NOTCH3: variants seen among roughly 807,000 people sequenced by gnomAD.
The protein encoded by NOTCH3 is notch receptor 3.
In NOTCH3, 86 loss-of-function variants were observed where a neutral mutation model predicts 213.3. The observed-to-expected ratio is 0.40, with a 90% confidence interval of 0.34 to 0.48. The LOEUF (loss-of-function observed/expected upper bound fraction) is 0.48. Among genes scored for constraint, NOTCH3 ranks in the 20% least tolerant of loss-of-function variants. The pLI, the probability that NOTCH3 is intolerant of heterozygous loss-of-function variation, is 0.57. For synonymous variants in NOTCH3, 1,354 were observed against 1,355.9 expected (o/e 1.00, Z 0.03); for missense variants, 2,783 against 3,272.6 (o/e 0.85, Z 3.65).
chr19:15,173,587 C>T (rs2046758195), intron 25 of NOTCH3, among the ~76,000 whole-genome samples: 1 of 150,524 alleles, frequency 6.6e-6, no homozygotes, highest in Admixed American at 6.6e-5. Flanking sequence ...AAAATTAGCC[C>T]GGTGTGGTGG....
intron 8 of NOTCH3, 96 bp from the exon 9 acceptor site, chr19:15,188,444 AT>A: frequency 1.2e-6 from 1 of 814,132 alleles, no homozygotes; most frequent in South Asian, 1.4e-5. Context: ...TCATCGACAA[AT>A]CCCCCGAGCC....
Position 15,178,084 on chromosome 19 carries a change from A to C in NOTCH3, c.3844T>G (p.Trp1282Gly). ...GCCACCCGCTCGCAACGCGGACCCC[A>C]GAACGGCTGGGGGTCGGGTTTGGGG... ...TFTCHCAQPF[W>G]GPRCERVARS... Residue 1282 changes from tryptophan (W) to glycine (G), a missense_variant, in exon 24 of 33, where the codon TGG (tryptophan) becomes GGG (glycine). Trp to Gly is a radical substitution (Grantham distance 184, BLOSUM62 -2). Around this residue, in one of 6 missense-constraint regions of NOTCH3, gnomAD observed 861 missense variants for 909.1 expected, o/e 0.95. Coordinates refer to ENST00000263388, the MANE Select transcript of NOTCH3 (RefSeq NM_000435.3). 1 of 1,482,630 alleles carries C rather than the reference A, an allele frequency of 6.7e-7. No homozygotes were observed. Among genetic ancestry groups the C allele is most frequent in the Non-Finnish European group, 9.0e-7 (1 of 1,114,468 alleles). 91.8% of individuals were successfully genotyped at this position (1,482,630 alleles called of 1,614,324 possible). A position where few individuals can be genotyped will look rare whatever the true frequency, so the allele number is the denominator to read the frequency against.
intron 8 of NOTCH3, among the ~76,000 whole-genome samples, chr19:15,188,737 C>A (rs550788800): frequency 6.6e-6 from 1 of 152,230 alleles, no homozygotes; most frequent in East Asian, 1.9e-4. Context: ...CTATCCCCAA[C>A]CCCTTCCCGA....
rs375682932 is a variant in NOTCH3 at position 15,192,047 on chromosome 19, C to T, written c.592G>A (p.Ala198Thr). ...CATGGTGAGGGTGCACAGGGCACCGCGGGGTTCTCACATAGTGGCCCTGTG... is the reference window on the plus strand; with the variant it reads ...CATGGTGAGGGTGCACAGGGCACCGTGGGGTTCTCACATAGTGGCCCTGTG... ...GYTGPLCENP[A>T]VPCAPSPCRN... is the part of the protein sequence containing the mutation. The change falls in exon 4 of 33, where the codon GCG (alanine) becomes ACG (threonine). Residue 198 changes from alanine (A) to threonine (T), a missense_variant. Physicochemically the swap from Ala to Thr is moderately conservative, Grantham distance 58. Coordinates refer to ENST00000263388, the MANE Select transcript of NOTCH3 (RefSeq NM_000435.3). 35 of 1,612,950 alleles carry T rather than the reference C, an allele frequency of 2.2e-5. No individual in the cohort carries two copies. The highest frequency in any genetic ancestry group is 1.6e-4 in the Middle Eastern group (1 of 6,082).
chr19:15,177,071 TAA>T (rs776950725), intron 24 of NOTCH3, among the ~76,000 whole-genome samples: 207 of 79,140 alleles, frequency 2.6e-3, no homozygotes, highest in Admixed American at 5.1e-3. Flanking sequence ...GACTCCGTCT[TAA>T]AAAAAAAAAA....
At chr19:15,178,650 G>T (rs778933619) in intron 23 of NOTCH3, 173 bp downstream of exon 23, 7 of 657,284 alleles carry the variant, frequency 1.1e-5, no homozygotes, top group East Asian at 2.7e-5. Flanking sequence ...CTCCCAATGT[G>T]CTGGGATTAC....
chr19:15,197,441 G>GGGGCCCCCCCCCCCCC, intron 2 of NOTCH3, 59 bp downstream of exon 2: 16 of 768,342 alleles, frequency 2.1e-5, no homozygotes, highest in East Asian at 8.2e-5. Flanking sequence ...AAGACAAATC[G>GGGGCCCCCCCCCCCCC]CCCCTCCCCC....
In NOTCH3 at chr19:15,165,237, C is replaced by T. The variant is rs2046675805; in HGVS notation, c.5815+131G>A. The T allele has an allele frequency of 2.0e-6, 2 of 977,480 alleles. No individual in the cohort carries two copies. The highest frequency in any genetic ancestry group is 3.5e-5 in the Admixed American group (2 of 56,578). The allele number at this position is 977,480 out of a possible 1,614,324, so 60.6% of individuals were successfully genotyped here. A position where few individuals can be genotyped will look rare whatever the true frequency, so the allele number is the denominator to read the frequency against. ...TGACCCTGCATGACCCTGCAGGCTT[C>T]ATGAAGCCTGGTTATGTGTGCGTGA... is the stretch of plus-strand genomic sequence containing the variant. On this transcript the variant is annotated intron_variant, in intron 31 of 32. Transcript: ENST00000263388. This position sits in a 1 kb window ranked among gnomAD's most constrained non-coding sequence, Gnocchi z 4.7.
intron 28 of NOTCH3, among the ~76,000 whole-genome samples, chr19:15,169,443 G>A (rs1258537291): frequency 6.7e-6 from 1 of 149,354 alleles, no homozygotes; most frequent in Non-Finnish European, 1.5e-5. Context: ...TTTCGCTCTT[G>A]TTGCCCAGTC....
chr19:15,186,669 C>A (rs371398537), intron 12 of NOTCH3, among the ~76,000 whole-genome samples: 2 of 152,162 alleles, frequency 1.3e-5, no homozygotes, highest in African/African-American at 4.8e-5. Flanking sequence ...CCTCCCAGAG[C>A]GCTGGGATTA....
rs1312931008 is a variant in NOTCH3, at chr19:15,197,748, C to G, written c.119-170G>C. On this transcript the variant is annotated intron_variant, in intron 1 of 32. Transcript: ENST00000263388. ...ACAGTTCCCACGCCCCCCCCCCCCC[C>G]GCCCCAGCCCCAGCTGTTGAGGCTG... is the stretch of plus-strand genomic sequence containing the variant. Among the ~76,000 whole-genome samples the G allele has an allele frequency of 8.7e-4, 122 of 140,932 alleles. 3 individuals carry two copies. The highest frequency in any genetic ancestry group is 2.9e-3 in the African/African-American group (103 of 35,684). The allele number at this position is 140,932 out of a possible 152,430, so 92.5% of individuals were successfully genotyped here. A position where few individuals can be genotyped will look rare whatever the true frequency, so the allele number is the denominator to read the frequency against.
At chr19:15,162,704 C>A in intron 31 of NOTCH3, 142 bp from the exon 32 acceptor site, 1 of 700,792 alleles carries the variant, frequency 1.4e-6, no homozygotes, top group Non-Finnish European at 2.6e-6. Flanking sequence ...GTGTCTGGAT[C>A]CATGTGTGTG....
At chr19:15,193,774 A>AAT in intron 2 of NOTCH3, among the ~76,000 whole-genome samples, 1 of 113,584 alleles carries the variant, frequency 8.8e-6, no homozygotes, top group Admixed American at 8.5e-5. Context: ...CCATCTCAAA[A>AAT]AAAAACAAAA....
chr19:15,186,824 G>C, intron 12 of NOTCH3, 54 bp downstream of exon 12: 1 of 1,413,174 alleles, frequency 7.1e-7, no homozygotes, highest in Non-Finnish European at 1.0e-6. Context: ...CCACAGAGAC[G>C]AGTGACTTCA....
chr19:15,185,259 T>C lies in NOTCH3; in HGVS notation c.2294A>G (p.Gln765Arg). The C allele has an allele frequency of 6.2e-7, 1 of 1,613,148 alleles. No homozygotes were observed. Residue 765 changes from glutamine to arginine, a missense_variant and splice_region_variant, in exon 14 of 33, where the codon CAG (glutamine) becomes CGG (arginine). Coordinates refer to ENST00000263388, the MANE Select transcript of NOTCH3 (RefSeq NM_000435.3). The surrounding 1 kb of genome is among the most constrained non-coding windows in gnomAD (Gnocchi z 4.2). ...GFHCTCPPGVQGRQCELLSPC... is the reference protein window; with the variant it reads ...GFHCTCPPGVRGRQCELLSPC... Reference sequence around the variant, plus strand: ...CAGAGGGAAGGTGAGGTACACACCCTGGACACCAGGCGGGCAGGTGCAGTG... The same window carrying C: ...CAGAGGGAAGGTGAGGTACACACCCCGGACACCAGGCGGGCAGGTGCAGTG...
rs745724101 is a variant in NOTCH3, at chr19:15,161,341, G to A, written c.6287C>T (p.Ser2096Leu). 2 of 1,526,904 alleles carry A rather than the reference G, an allele frequency of 1.3e-6. No homozygotes were observed. The highest frequency in any genetic ancestry group is 1.4e-5 in the African/African-American group (1 of 73,108). The allele number at this position is 1,526,904 out of a possible 1,614,324, so 94.6% of individuals were successfully genotyped here. A position where few individuals can be genotyped will look rare whatever the true frequency, so the allele number is the denominator to read the frequency against. Residue 2096 changes from serine to leucine, a missense_variant, in exon 33 of 33, where the codon TCG becomes TTG. Transcript: ENST00000263388. The stretch of plus-strand genomic sequence containing the variant: ...CGAGTCCACGGGCGACAGCGTGACC[G>A]AGCTGTCAGCCAGGGGGCCCGGGCA... Reference protein sequence around the residue: ...LACPGPLADSSVTLSPVDSLD... With the variant: ...LACPGPLADSLVTLSPVDSLD...
chr19:15,188,433 C>T (rs527762196), intron 8 of NOTCH3, 85 bp from the exon 9 acceptor site: 96 of 855,860 alleles, frequency 1.1e-4, no homozygotes, highest in Non-Finnish European at 4.9e-5. Context: ...TCCCTTCCTA[C>T]TCATCGACAA....
intron 3 of NOTCH3, 34 bp from the exon 4 acceptor site, chr19:15,192,332 G>C (rs1044561263): frequency 3.1e-6 from 5 of 1,612,386 alleles, no homozygotes; most frequent in Non-Finnish European, 4.2e-6. Flanking sequence ...GTTTAGGACT[G>C]ACCACACCCC....
chr19:15,162,759 C>T (rs76603470), intron 31 of NOTCH3, among the ~76,000 whole-genome samples, 197 bp from the exon 32 acceptor site: 2 of 36,060 alleles, frequency 5.5e-5, no homozygotes, highest in African/African-American at 5.4e-4. Flanking sequence ...CACTTTGTGT[C>T]TGTGTGTGTG....
Sources: gnomAD v4.1 joint callset for allele counts (sites outside exome capture counted in the v4.1 genomes callset) on GRCh38, gnomAD v4.1.1 for gene constraint, gnomAD v4.1.1 regional missense constraint, Gnocchi (gnomAD v3.1) non-coding constraint, MANE v1.5 for transcripts, NCBI Gene and HGNC (gene_info 2026-07-23, HGNC 2026-07-21) for gene names.